Variants in TAS2R1 observed in about 807,000 individuals in gnomAD.
TAS2R1 encodes taste receptor type 2 member 1.
For synonymous variants in TAS2R1, 141 were observed against 134.2 expected (o/e 1.05, Z -0.35); for missense variants, 370 against 353.4 (o/e 1.05, Z -0.38).
the TAS2R1 span, among the ~76,000 whole-genome samples, chr5:9,842,312 C>CTTTTTT: frequency 2.7e-4 from 33 of 120,390 alleles, 3 homozygotes; most frequent in African/African-American, 4.2e-4. Context: ...GTCTTTCTTT[C>CTTTTTT]TCTCTTTTTT....
At chr5:9,896,523 C>A in the TAS2R1 span, among the ~76,000 whole-genome samples, 1 of 151,984 alleles carries the variant, frequency 6.6e-6, no homozygotes, top group African/African-American at 2.4e-5. Context: ...CTCTAACCGC[C>A]GACCCAAACC....
chr5:9,629,058 T>G lies in TAS2R1; in HGVS notation c.*75A>C. 2 of 1,443,828 alleles carry G rather than the reference T, an allele frequency of 1.4e-6. No individual in the cohort carries two copies. Among genetic ancestry groups the G allele is most frequent in the Non-Finnish European group, 1.8e-6 (2 of 1,083,356 alleles). The allele number at this position is 1,443,828 out of a possible 1,614,324, so 89.4% of individuals were successfully genotyped here. ...GTATATTTATGAACAGGCTGCTTTG[T>G]CTGGCTGAGGGAAGTGTGGCAGGCA... On this transcript the variant is annotated 3_prime_UTR_variant, in exon 1 of 1. Coordinates refer to ENST00000382492, the MANE Select transcript of TAS2R1 (RefSeq NM_019599.3).
Position 9,681,531 on chromosome 5 carries a change from C to CAAAAAAAAAAAAAAAAAAAAAA in TAS2R1, c.-241-21951_-241-21950insTTTTTTTTTTTTTTTTTTTTTT, listed in dbSNP as rs10681888. 4.0e-4 allele frequency among the ~76,000 whole-genome samples: 35 copies of CAAAAAAAAAAAAAAAAAAAAAA among 87,876 alleles called. 1 individual carries two copies. Among genetic ancestry groups the CAAAAAAAAAAAAAAAAAAAAAA allele is most frequent in the East Asian group, 2.4e-3 (6 of 2,552 alleles). The allele number at this position is 87,876 out of a possible 152,430, so 57.7% of individuals were successfully genotyped here. ...TTTCAGGGGACTTCTCATGTTTCTG[C>CAAAAAAAAAAAAAAAAAAAAAA]AAAAAAAAAAAAAAAAAAAGATGCC... is the stretch of plus-strand genomic sequence containing the variant. On this transcript the variant is annotated intron_variant, in intron 1 of 2. Transcript: ENST00000506620.
At position 9,629,710 on chromosome 5, in the gene TAS2R1, G is replaced by A. The variant is rs1467495215; in HGVS notation, c.323C>T (p.Ala108Val). ...GATGAAGAGTGGGTGACGGACGCTG[G>A]CAACCTTGGCACAATAGAAAACGCC... ...WLGVFYCAKV[A>V]SVRHPLFIWL... The change falls in exon 1 of 1, where the codon GCC becomes GTC. Residue 108 changes from alanine (A) to valine (V), a missense_variant. Ala to Val is a moderately conservative substitution (Grantham distance 64, BLOSUM62 0). Transcript: ENST00000382492. The A allele has an allele frequency of 6.2e-7, 1 of 1,613,984 alleles. No homozygotes were observed. The highest frequency in any genetic ancestry group is 1.7e-5 in the Admixed American group (1 of 59,990).
chr5:9,738,022 T>C, the TAS2R1 span, among the ~76,000 whole-genome samples: 2 of 152,256 alleles, frequency 1.3e-5, no homozygotes, highest in East Asian at 1.9e-4. Context: ...CAGACCTTTC[T>C]CTCCACCTGG....
chr5:9,853,265 C>T, the TAS2R1 span, among the ~76,000 whole-genome samples: 1 of 152,178 alleles, frequency 6.6e-6, no homozygotes, highest in Non-Finnish European at 1.5e-5. Flanking sequence ...GGCAGTGTTA[C>T]AGCTTCGTGA....
At chr5:9,837,418 C>T in the TAS2R1 span, among the ~76,000 whole-genome samples, 24 of 152,282 alleles carry the variant, frequency 1.6e-4, no homozygotes, top group South Asian at 4.2e-3. Flanking sequence ...TGTTTTAATC[C>T]GCAGGAACCT....
At chr5:9,755,480 G>A in the TAS2R1 span, among the ~76,000 whole-genome samples, 111 of 151,810 alleles carry the variant, frequency 7.3e-4, no homozygotes, top group South Asian at 2.7e-3. Context: ...CCAGCTACTC[G>A]GGAGGCTGAG....
chr5:9,644,879 C>T (rs1036199014), intron 2 of TAS2R1, among the ~76,000 whole-genome samples: 1 of 152,080 alleles, frequency 6.6e-6, no homozygotes, highest in Admixed American at 6.6e-5. Flanking sequence ...TAGTACTAGT[C>T]ATGGTTTCCT....
At chr5:9,805,009 A>C in the TAS2R1 span, among the ~76,000 whole-genome samples, 1 of 152,098 alleles carries the variant, frequency 6.6e-6, no homozygotes, top group Non-Finnish European at 1.5e-5. Context: ...TGATAAACAA[A>C]AAAAAGAAGA....
chr5:9,760,114 C>A, the TAS2R1 span, among the ~76,000 whole-genome samples: 2 of 152,062 alleles, frequency 1.3e-5, no homozygotes, highest in Admixed American at 1.3e-4. Flanking sequence ...GTAAGACAGA[C>A]CAATTCCTTG....
chr5:9,847,614 G>A, the TAS2R1 span, among the ~76,000 whole-genome samples: 1 of 152,234 alleles, frequency 6.6e-6, no homozygotes. Context: ...TTGAGCCAAT[G>A]TCACATGGAA....
At chr5:9,676,643 T>G (rs142833894) in intron 1 of TAS2R1, among the ~76,000 whole-genome samples, 147 of 152,238 alleles carry the variant, frequency 9.7e-4, no homozygotes, top group African/African-American at 3.3e-3. Context: ...AATGCAATAC[T>G]ACAAAACTTC....
At chr5:9,674,184 G>A (rs1740824787) in intron 1 of TAS2R1, among the ~76,000 whole-genome samples, 1 of 152,092 alleles carries the variant, frequency 6.6e-6, no homozygotes. Flanking sequence ...TATTTTATAT[G>A]CCAGCTATGT....
At chr5:9,648,253 G>T (rs1406403809) in intron 2 of TAS2R1, among the ~76,000 whole-genome samples, 1 of 151,894 alleles carries the variant, frequency 6.6e-6, no homozygotes, top group African/African-American at 2.4e-5. Flanking sequence ...GTTGCATTTT[G>T]GTAACTTTTA....
chr5:9,752,054 C>G, the TAS2R1 span, among the ~76,000 whole-genome samples: 1 of 152,092 alleles, frequency 6.6e-6, no homozygotes, highest in Non-Finnish European at 1.5e-5. Context: ...CCCGTGGAAA[C>G]AAAGGAGAAG....
chr5:9,779,772 C>T, the TAS2R1 span, among the ~76,000 whole-genome samples: 1 of 152,194 alleles, frequency 6.6e-6, no homozygotes, highest in Non-Finnish European at 1.5e-5. Flanking sequence ...AAATGTTACA[C>T]AGAGACCTGA....
the TAS2R1 span, among the ~76,000 whole-genome samples, chr5:9,838,705 A>C: frequency 6.6e-6 from 1 of 152,110 alleles, no homozygotes; most frequent in Non-Finnish European, 1.5e-5. Context: ...CTCTGCATCA[A>C]CTCCTAGCAA....
chr5:9,735,022 G>A, the TAS2R1 span, among the ~76,000 whole-genome samples: 1 of 151,312 alleles, frequency 6.6e-6, no homozygotes. Context: ...TGCTAGGGAG[G>A]CCTCAGGAAA....
Sources: gnomAD v4.1 joint callset for allele counts (sites outside exome capture counted in the v4.1 genomes callset) on GRCh38, gnomAD v4.1.1 for gene constraint, MANE v1.5 for transcripts, NCBI Gene and HGNC (gene_info 2026-07-23, HGNC 2026-07-21) for gene names.